Variants in UBXN2A observed in about 807,000 individuals in gnomAD.
UBXN2A encodes the protein UBX domain protein 2A.
Under a neutral mutation model 28.4 loss-of-function variants are expected in UBXN2A, and 28 were observed. The ratio of observed to expected loss-of-function variants is 0.99; its 90% CI spans 0.73 to 1.35. The LOEUF (loss-of-function observed/expected upper bound fraction) is 1.35, where lower values mean the gene tolerates loss of function less well. UBXN2A is among the 40% of genes most tolerant of loss of function. UBXN2A has a pLI of 0.00. For synonymous variants in UBXN2A, 97 were observed against 103.6 expected (o/e 0.94, Z 0.39); for missense variants, 253 against 297.9 (o/e 0.85, Z 1.11).
chr2:23,963,363 A>C (rs529464513), intron 2 of UBXN2A, among the ~76,000 whole-genome samples: 4 of 151,946 alleles, frequency 2.6e-5, no homozygotes. Flanking sequence ...AAAAATACAA[A>C]AAGTAGCCAG....
At chr2:23,961,539 CTTTTTTTT>C (rs71395167) in intron 2 of UBXN2A, among the ~76,000 whole-genome samples, 2 of 51,272 alleles carry the variant, frequency 3.9e-5, no homozygotes, top group African/African-American at 7.4e-5. Context: ...AGAAAACTGC[CTTTTTTTT>C]TTTTTTTTTT....
At chr2:23,983,944 G>C (rs776623442) in intron 5 of UBXN2A, among the ~76,000 whole-genome samples, 4 of 152,146 alleles carry the variant, frequency 2.6e-5, no homozygotes, top group Non-Finnish European at 4.4e-5. Context: ...CCAAAGTGCT[G>C]GGATTACAGG....
intron 2 of UBXN2A, among the ~76,000 whole-genome samples, chr2:23,965,316 A>G (rs567729833): frequency 1.8e-3 from 281 of 152,300 alleles, no homozygotes; most frequent in African/African-American, 5.0e-3. Context: ...GAAAGCATCT[A>G]GTTTCTCCTG....
chr2:23,943,080 C>T (rs760302043), intron 1 of UBXN2A, among the ~76,000 whole-genome samples: 4 of 151,950 alleles, frequency 2.6e-5, no homozygotes, highest in Non-Finnish European at 4.4e-5. Flanking sequence ...CTCAGCCTCC[C>T]GAGTAGCTGG....
rs953044788 is a variant in UBXN2A, at chr2:23,944,995, A to G, written c.-15+4347A>G. Among the ~76,000 whole-genome samples, 14 of 152,094 alleles carry G rather than the reference A, an allele frequency of 9.2e-5. 1 individual carries two copies. Among genetic ancestry groups the G allele is most frequent in the African/African-American group, 3.4e-4 (14 of 41,418 alleles). On this transcript the variant is annotated intron_variant, in intron 1 of 6. Transcript: ENST00000309033. ...AATATATTAAAGTTTTTTTTCTTGCATTTCTAGAAAAGCCTCTTAATTTTT... is the reference window on the plus strand; with the variant it reads ...AATATATTAAAGTTTTTTTTCTTGCGTTTCTAGAAAAGCCTCTTAATTTTT...
intron 1 of UBXN2A, among the ~76,000 whole-genome samples, chr2:23,929,948 G>A (rs1251992168): frequency 6.6e-6 from 1 of 151,948 alleles, no homozygotes; most frequent in Non-Finnish European, 1.5e-5. Flanking sequence ...GAGTACAGTG[G>A]TACTATCTGG....
chr2:23,947,701 C>G (rs149528186), intron 1 of UBXN2A, among the ~76,000 whole-genome samples: 1 of 152,294 alleles, frequency 6.6e-6, no homozygotes, highest in East Asian at 1.9e-4. Flanking sequence ...GCCATGCTTA[C>G]AATTAGTAAT....
At chr2:23,978,669 GA>G (rs1000198959) in intron 4 of UBXN2A, among the ~76,000 whole-genome samples, 1 of 147,448 alleles carries the variant, frequency 6.8e-6, no homozygotes, top group Non-Finnish European at 1.5e-5. Flanking sequence ...TTGTTTTAAA[GA>G]AAAAAAATTG....
intron 1 of UBXN2A, among the ~76,000 whole-genome samples, chr2:23,928,674 A>G (rs1705250256): frequency 6.6e-6 from 1 of 152,212 alleles, no homozygotes; most frequent in African/African-American, 2.4e-5. Flanking sequence ...AAAAATTGAA[A>G]ACTCAGGAAA....
At chr2:23,998,920 G>C (rs1192065827) in intron 6 of UBXN2A, among the ~76,000 whole-genome samples, 1 of 151,976 alleles carries the variant, frequency 6.6e-6, no homozygotes, top group Non-Finnish European at 1.5e-5. Context: ...TCTTTCCCCA[G>C]TTCTTTTAAC....
chr2:23,936,270 A>G (rs1705523689), upstream of UBXN2A, among the ~76,000 whole-genome samples: 1 of 152,232 alleles, frequency 6.6e-6, no homozygotes, highest in East Asian at 1.9e-4. Flanking sequence ...ATTCAACCAT[A>G]AACGGGAATG....
chr2:23,970,463 C>T (rs1190726252), intron 2 of UBXN2A, among the ~76,000 whole-genome samples: 6 of 152,000 alleles, frequency 3.9e-5, no homozygotes, highest in Non-Finnish European at 7.4e-5. Flanking sequence ...TGTTGTATCT[C>T]ATGGGTAAAG....
intron 2 of UBXN2A, among the ~76,000 whole-genome samples, chr2:23,970,157 G>C (rs572884840): frequency 2.4e-4 from 37 of 152,218 alleles, no homozygotes; most frequent in African/African-American, 8.7e-4. Context: ...GGTGGTTGGA[G>C]CCTGTAGTCC....
chr2:23,949,438 G>A (rs1706256225), intron 1 of UBXN2A, among the ~76,000 whole-genome samples: 1 of 151,950 alleles, frequency 6.6e-6, no homozygotes. Context: ...GGGCGTGGTG[G>A]CACATGCCTG....
intron 4 of UBXN2A, among the ~76,000 whole-genome samples, chr2:23,978,956 C>A (rs1450595602): frequency 6.8e-6 from 1 of 146,544 alleles, no homozygotes; most frequent in Non-Finnish European, 1.5e-5. Context: ...GAGCCAGATT[C>A]CATCTCAAAA....
At chr2:23,962,240 A>G (rs185120244) in intron 2 of UBXN2A, among the ~76,000 whole-genome samples, 1 of 152,238 alleles carries the variant, frequency 6.6e-6, no homozygotes, top group Non-Finnish European at 1.5e-5. Flanking sequence ...CCACAGATGC[A>G]AATCTTTCAC....
intron 3 of UBXN2A, among the ~76,000 whole-genome samples, chr2:23,975,770 GGCAT>G (rs1375925806): frequency 4.6e-5 from 7 of 152,214 alleles, no homozygotes; most frequent in African/African-American, 9.6e-5. Context: ...TGGGATTACA[GGCAT>G]GCACCACCAT....
At position 23,977,048 on chromosome 2, in the gene UBXN2A, A is replaced by G; in HGVS notation, c.260A>G (p.Gln87Arg). The stretch of plus-strand genomic sequence containing the variant: ...AGAAGTTATTCCGATGGTGCCAGTC[A>G]GCAGTTTTTGAACTCCATCAAAAAG... ...DFRSYSDGAS[Q>R]QFLNSIKKGE... is the part of the protein sequence containing the mutation. The change falls in exon 4 of 7, where the codon CAG becomes CGG. Residue 87 changes from glutamine (Q) to arginine (R), a missense_variant. Gln to Arg is a conservative substitution (Grantham distance 43). Coordinates refer to ENST00000309033, the MANE Select transcript of UBXN2A (RefSeq NM_181713.4). 6.2e-7 allele frequency: 1 copy of G among 1,613,078 alleles called. No homozygotes were observed. The highest frequency in any genetic ancestry group is 1.1e-5 in the South Asian group (1 of 91,028).
Position 23,971,343 on chromosome 2 carries a change from G to T in UBXN2A, c.109G>T (p.Val37Phe). 6.3e-7 allele frequency: 1 copy of T among 1,578,858 alleles called. No individual in the cohort carries two copies. The highest frequency in any genetic ancestry group is 2.3e-5 in the East Asian group (1 of 44,062). ...TCAACAATCAAATTGTGAATATTTT[G>T]TTGATAGCCTTTTTGAGGAAGCTCA... Reference protein sequence around the residue: ...NNQQSNCEYFVDSLFEEAQKV... With the variant: ...NNQQSNCEYFFDSLFEEAQKV... Residue 37 changes from valine to phenylalanine, a missense_variant, in exon 3 of 7, where the codon GTT (valine) becomes TTT (phenylalanine). Coordinates refer to ENST00000309033, the MANE Select transcript of UBXN2A (RefSeq NM_181713.4).
Sources: allele counts gnomAD v4.1 joint callset (sites outside exome capture counted in the v4.1 genomes callset), GRCh38; gene constraint gnomAD v4.1.1; transcripts MANE v1.5; gene names NCBI Gene and HGNC (gene_info 2026-07-23, HGNC 2026-07-21).